Variants in MICU1 observed in about 807,000 individuals in gnomAD.
MICU1 encodes the protein mitochondrial calcium uptake 1.
MICU1 carries 45 observed loss-of-function variants against 56.8 expected under a neutral mutation model. The observed-to-expected ratio is 0.79, with a 90% confidence interval of 0.62 to 1.02. The LOEUF (loss-of-function observed/expected upper bound fraction) is 1.02, where lower values mean the gene tolerates loss of function less well. Among genes scored for constraint, MICU1 ranks in the 50% least tolerant of loss-of-function variants. The pLI, the probability that MICU1 is intolerant of heterozygous loss-of-function variation, is 0.00. For synonymous variants in MICU1, 186 were observed against 195.1 expected (o/e 0.95, Z 0.39); for missense variants, 504 against 587.1 (o/e 0.86, Z 1.46).
At chr10:72,603,582 A>G (rs1841603231) in intron 1 of MICU1, among the ~76,000 whole-genome samples, 1 of 151,946 alleles carries the variant, frequency 6.6e-6, no homozygotes, top group East Asian at 1.9e-4. Context: ...CTTTGGATGG[A>G]TCACCTGAGG....
chr10:72,468,759 A>G (rs79924502), intron 8 of MICU1, among the ~76,000 whole-genome samples: 4,166 of 152,316 alleles, frequency 0.027, 183 homozygotes, highest in African/African-American at 0.096. Flanking sequence ...ATTTCTCCAC[A>G]GTCATAAGAC....
chr10:72,420,343 G>A (rs1479593212), intron 9 of MICU1, among the ~76,000 whole-genome samples: 2 of 152,210 alleles, frequency 1.3e-5, no homozygotes, highest in Admixed American at 6.5e-5. Context: ...TTACAGGCAT[G>A]AGCCACTGCG....
chr10:72,523,731 T>C (rs1205789188), intron 5 of MICU1: 4 of 1,060,412 alleles, frequency 3.8e-6, no homozygotes, highest in African/African-American at 3.3e-5. Flanking sequence ...AATATTTTAA[T>C]GAATAAATTT....
chr10:72,538,585 A>G (rs1258289141), intron 4 of MICU1, among the ~76,000 whole-genome samples: 1 of 152,150 alleles, frequency 6.6e-6, no homozygotes, highest in Non-Finnish European at 1.5e-5. Flanking sequence ...ATCCTGTAAT[A>G]GATACTCTAA....
At chr10:72,408,429 C>T (rs1452570466) in intron 9 of MICU1, among the ~76,000 whole-genome samples, 1 of 152,168 alleles carries the variant, frequency 6.6e-6, no homozygotes, top group Non-Finnish European at 1.5e-5. Flanking sequence ...CTGCCTCAGC[C>T]TCCTGAGTAG....
chr10:72,401,455 A>T (rs1863453038), intron 10 of MICU1, among the ~76,000 whole-genome samples: 1 of 152,146 alleles, frequency 6.6e-6, no homozygotes, highest in South Asian at 2.1e-4. Flanking sequence ...GGAGTTTGAG[A>T]CCTGTCTGGC....
At chr10:72,462,004 A>G (rs989877636) in intron 8 of MICU1, among the ~76,000 whole-genome samples, 3 of 152,082 alleles carry the variant, frequency 2.0e-5, no homozygotes, top group Non-Finnish European at 4.4e-5. Context: ...CTGGAATCAA[A>G]TCTCAGCTCC....
chr10:72,580,043 C>T (rs1230073665), intron 1 of MICU1, among the ~76,000 whole-genome samples: 2 of 151,950 alleles, frequency 1.3e-5, no homozygotes, highest in South Asian at 2.1e-4. Flanking sequence ...TTAAAAAATG[C>T]CATCTAAATT....
intron 8 of MICU1, among the ~76,000 whole-genome samples, chr10:72,456,849 T>TTGTGTGTGTGTGTGTG (rs56262647): frequency 1.3e-4 from 17 of 134,646 alleles, no homozygotes; most frequent in South Asian, 7.6e-4. Context: ...CGGGCTCATT[T>TTGTGTGTGTGTGTGTG]TGTGTGTGTG....
At chr10:72,442,935 T>G (rs887463872) in intron 8 of MICU1, among the ~76,000 whole-genome samples, 3 of 152,114 alleles carry the variant, frequency 2.0e-5, no homozygotes, top group Admixed American at 1.3e-4. Context: ...TTTTGTATTT[T>G]TGGTAGAGAT....
intron 1 of MICU1, among the ~76,000 whole-genome samples, chr10:72,590,982 A>G (rs915137460): frequency 4.6e-5 from 7 of 152,096 alleles, no homozygotes; most frequent in African/African-American, 1.7e-4. Flanking sequence ...GAATGAGCTA[A>G]AAGTTAGGCC....
At chr10:72,386,396 C>T (rs1475173830) in intron 10 of MICU1, among the ~76,000 whole-genome samples, 5 of 151,918 alleles carry the variant, frequency 3.3e-5, no homozygotes, top group African/African-American at 9.6e-5. Context: ...TGGCCAGGCT[C>T]GTCTTGAACT....
intron 1 of MICU1, among the ~76,000 whole-genome samples, chr10:72,600,709 G>T (rs1264890759): frequency 2.0e-5 from 3 of 151,258 alleles, no homozygotes; most frequent in African/African-American, 7.3e-5. Flanking sequence ...ACCTTAAACT[G>T]CAAACGTTAT....
At chr10:72,436,927 T>C (rs1864746934) in intron 8 of MICU1, among the ~76,000 whole-genome samples, 1 of 152,220 alleles carries the variant, frequency 6.6e-6, no homozygotes, top group Non-Finnish European at 1.5e-5. Flanking sequence ...TTGTCTGGTG[T>C]ACCTAAAAGT....
chr10:72,497,478 A>T (rs550144948), intron 6 of MICU1, among the ~76,000 whole-genome samples: 1 of 152,296 alleles, frequency 6.6e-6, no homozygotes, highest in East Asian at 1.9e-4. Context: ...ATACAGATGG[A>T]CCAATACATT....
At chr10:72,435,606 T>C (rs7909609) in intron 8 of MICU1, among the ~76,000 whole-genome samples, 98,430 of 151,876 alleles carry the variant, frequency 0.65, 33,063 homozygotes, top group African/African-American at 0.77. Context: ...ACCTGGGAAG[T>C]GCAAGGGGTT....
chr10:72,563,123 AGC>A (rs1840342098), intron 2 of MICU1, 60 bp from the exon 3 acceptor site: 1 of 1,280,534 alleles, frequency 7.8e-7, no homozygotes, highest in African/African-American at 1.5e-5. Context: ...TAGACAAATA[AGC>A]AAACAGATAC....
At chr10:72,581,246 A>G (rs1409039456) in intron 1 of MICU1, among the ~76,000 whole-genome samples, 1 of 152,256 alleles carries the variant, frequency 6.6e-6, no homozygotes, top group East Asian at 1.9e-4. Flanking sequence ...GGCGTATATT[A>G]TCACAAAACA....
chr10:72,580,819 T>C (rs1181439390), intron 1 of MICU1, among the ~76,000 whole-genome samples: 1 of 152,226 alleles, frequency 6.6e-6, no homozygotes, highest in African/African-American at 2.4e-5. Flanking sequence ...TCAAAATACT[T>C]GAATAAATTA....
Sources: gnomAD v4.1 joint callset for allele counts (sites outside exome capture counted in the v4.1 genomes callset) on GRCh38, gnomAD v4.1.1 for gene constraint, MANE v1.5 for transcripts, NCBI Gene and HGNC (gene_info 2026-07-23, HGNC 2026-07-21) for gene names.